ZNF182: variants seen among roughly 807,000 people sequenced by gnomAD.
ZNF182 encodes the protein zinc finger protein 182, also known as zinc finger protein 21 (KOX 14).
ZNF182 carries 10 observed loss-of-function variants against 28.1 expected under a neutral mutation model. That is an observed-to-expected ratio of 0.36 (90% CI 0.22 to 0.60). The LOEUF (loss-of-function observed/expected upper bound fraction) is 0.60. ZNF182 is among the 20% of genes least tolerant of loss of function. The pLI is 0.75. For synonymous variants in ZNF182, 156 were observed against 158.7 expected (o/e 0.98, Z 0.13); for missense variants, 352 against 453.2 (o/e 0.78, Z 2.03).
At chrX:47,987,814 A>G (rs1215318083) in intron 3 of ZNF182, among the ~76,000 whole-genome samples, 1 of 112,141 alleles carries the variant, frequency 8.9e-6, no homozygotes, top group Non-Finnish European at 1.9e-5. Flanking sequence ...TGGTTTCTAA[A>G]TATAATTATC....
At chrX:47,996,147 G>A (rs377649840) in intron 3 of ZNF182, among the ~76,000 whole-genome samples, 136 of 112,293 alleles carry the variant, frequency 1.2e-3, no homozygotes, top group Middle Eastern at 9.2e-3. Context: ...ACAGTTGGAA[G>A]AGAAATAACA....
intron 5 of ZNF182, 44 bp from the exon 6 acceptor site, chrX:47,977,841 G>A (rs782595211): frequency 2.9e-6 from 3 of 1,034,098 alleles, no homozygotes; most frequent in Admixed American, 6.8e-5. Flanking sequence ...TTGACATTAT[G>A]GAGCGGACCT....
chrX:47,977,215 T>C lies in ZNF182; in HGVS notation c.815A>G (p.Glu272Gly). 8.3e-7 allele frequency: 1 copy of C among 1,208,354 alleles called. No individual in the cohort carries two copies. Among genetic ancestry groups the C allele is most frequent in the Non-Finnish European group, 1.1e-6 (1 of 894,314 alleles). ...GAAGGCTTTTCCACATTCAGGACAC[T>C]CAAAGGGTCTCTCTCCTGTATGAGT... ...LRTHTGERPF[E>G]CPECGKAFRE... The change falls in exon 6 of 6, where the codon GAG becomes GGG. Residue 272 changes from glutamate to glycine, a missense_variant. Transcript: ENST00000376943.
At chrX:47,998,047 C>T (rs1370965908) in intron 3 of ZNF182, among the ~76,000 whole-genome samples, 1 of 110,250 alleles carries the variant, frequency 9.1e-6, no homozygotes, top group Non-Finnish European at 1.9e-5. Flanking sequence ...AAACACGCCA[C>T]TATAAAACAA....
At chrX:47,979,747 A>G (rs1556898814) in intron 5 of ZNF182, among the ~76,000 whole-genome samples, 1 of 111,453 alleles carries the variant, frequency 9.0e-6, no homozygotes, top group Non-Finnish European at 1.9e-5. Flanking sequence ...AAAAATGGTG[A>G]ATAAAACTGT....
chrX:47,987,449 A>G (rs1334425553), intron 3 of ZNF182, among the ~76,000 whole-genome samples: 5 of 112,817 alleles, frequency 4.4e-5, no homozygotes, highest in African/African-American at 1.6e-4. Context: ...CATAAAAACA[A>G]ATTGTGTATT....
At chrX:47,992,163 C>A (rs1556900551) in intron 3 of ZNF182, among the ~76,000 whole-genome samples, 2 of 112,076 alleles carry the variant, frequency 1.8e-5, no homozygotes, top group African/African-American at 6.5e-5. Context: ...GCAGATGCAG[C>A]AGGGGAAAAT....
At chrX:47,988,868 A>G (rs1397839004) in intron 3 of ZNF182, among the ~76,000 whole-genome samples, 1 of 111,896 alleles carries the variant, frequency 8.9e-6, no homozygotes, top group East Asian at 2.8e-4. Context: ...GGTCTGCCTC[A>G]TAGTAAAATG....
At chrX:47,985,731 G>A (rs186587957) in intron 3 of ZNF182, among the ~76,000 whole-genome samples, 157 of 110,804 alleles carry the variant, frequency 1.4e-3, no homozygotes, top group Non-Finnish European at 2.2e-3. Flanking sequence ...ATCACCCCTA[G>A]TGACCCACTA....
At chrX:47,998,586 G>A (rs1309121187) in intron 3 of ZNF182, among the ~76,000 whole-genome samples, 1 of 112,690 alleles carries the variant, frequency 8.9e-6, no homozygotes, top group East Asian at 2.8e-4. Flanking sequence ...GCCGGGTGTG[G>A]TGGCTCACGC....
intron 5 of ZNF182, among the ~76,000 whole-genome samples, chrX:47,979,866 GGTGTGTGTGTGTGTGTGT>G (rs56350180): frequency 3.3e-5 from 3 of 89,784 alleles, no homozygotes; most frequent in Admixed American, 1.3e-4. Context: ...GTGTGTGTGG[GGTGTGTGTGTGTGTGTGT>G]GTGTGTGTGT....
At chrX:47,980,026 T>C (rs1214442075) in intron 5 of ZNF182, among the ~76,000 whole-genome samples, 2 of 110,902 alleles carry the variant, frequency 1.8e-5, no homozygotes, top group East Asian at 5.6e-4. Context: ...AAAGGTGTTA[T>C]AAGACATGGA....
At chrX:47,997,420 T>TG (rs2058962874) in intron 3 of ZNF182, among the ~76,000 whole-genome samples, 1 of 110,218 alleles carries the variant, frequency 9.1e-6, no homozygotes, top group Non-Finnish European at 1.9e-5. Context: ...CAAAGAAGAC[T>TG]GGAGTGACCA....
intron 5 of ZNF182, among the ~76,000 whole-genome samples, chrX:47,979,871 GT>G (rs2058898843): frequency 1.2e-5 from 1 of 86,145 alleles, no homozygotes; most frequent in South Asian, 5.2e-4. Flanking sequence ...TGTGGGGTGT[GT>G]GTGTGTGTGT....
In ZNF182 at chrX:47,975,604, G is replaced by A. The variant is rs782526419; in HGVS notation, c.*563C>T. ...ACTTCTCCCAAGTCAGTAAATAGGG[G>A]CAGCTGTAGGGCTCTTCACAAGGAA... is the stretch of plus-strand genomic sequence containing the variant. On this transcript the variant is annotated 3_prime_UTR_variant, in exon 6 of 6. Coordinates refer to ENST00000376943, the MANE Select transcript of ZNF182 (RefSeq NM_001007088.2). The A allele has an allele frequency of 2.7e-5, 3 of 110,091 alleles. No individual in the cohort carries two copies. The highest frequency in any genetic ancestry group is 9.9e-5 in the African/African-American group (3 of 30,153). The allele number at this position is 110,091 out of a possible 1,213,427, so 9.1% of individuals were successfully genotyped here.
intron 3 of ZNF182, among the ~76,000 whole-genome samples, chrX:47,985,249 TA>T (rs2058919751): frequency 1.8e-5 from 2 of 112,175 alleles, no homozygotes. Context: ...CACTTGGCAA[TA>T]AAAATGAGAG....
rs1257429173 is a variant in ZNF182, at chrX:47,976,094, A to G, written c.*73T>C. 5 of 995,557 alleles carry G rather than the reference A, an allele frequency of 5.0e-6. No individual in the cohort carries two copies. The highest frequency in any genetic ancestry group is 7.1e-5 in the Admixed American group (2 of 28,363). The allele number at this position is 995,557 out of a possible 1,213,427, so 82.0% of individuals were successfully genotyped here. A position where few individuals can be genotyped will look rare whatever the true frequency, so the allele number is the denominator to read the frequency against. On this transcript the variant is annotated 3_prime_UTR_variant, in exon 6 of 6. Coordinates refer to ENST00000376943, the MANE Select transcript of ZNF182 (RefSeq NM_001007088.2). ...CCATATTTAAACCACAAGTCAAAATATACTTTTAAAATGTGAGTAAAATTG... is the reference window on the plus strand; with the variant it reads ...CCATATTTAAACCACAAGTCAAAATGTACTTTTAAAATGTGAGTAAAATTG...
chrX:47,976,570 C>T lies in ZNF182; in HGVS notation c.1460G>A (p.Arg487Lys). 4 of 1,209,006 alleles carry T rather than the reference C, an allele frequency of 3.3e-6. No homozygotes were observed. The highest frequency in any genetic ancestry group is 4.5e-6 in the Non-Finnish European group (4 of 894,554). ...ATAGGGTTTTTCTTCTGTATGAGTT[C>T]TTTGATGTATAATGAGATATGATTT... ...SQKSYLIIHQRTHTEEKPYKC... is the reference protein window; with the variant it reads ...SQKSYLIIHQKTHTEEKPYKC... Residue 487 changes from arginine to lysine, a missense_variant, in exon 6 of 6, where the codon AGA becomes AAA. Transcript: ENST00000376943.
chrX:47,998,464 T>C (rs897341479), intron 3 of ZNF182, among the ~76,000 whole-genome samples: 6 of 112,077 alleles, frequency 5.4e-5, no homozygotes, highest in Non-Finnish European at 1.1e-4. Context: ...AAATAATATA[T>C]TGGTCAAAGA....
Sources: allele counts gnomAD v4.1 joint callset (sites outside exome capture counted in the v4.1 genomes callset), GRCh38; gene constraint gnomAD v4.1.1; transcripts MANE v1.5; gene names NCBI Gene and HGNC (gene_info 2026-07-23, HGNC 2026-07-21).